The following CEBPZOS variants were observed in gnomAD, a reference collection of about 807,000 sequenced individuals.
CEBPZOS encodes CEBPZ opposite strand, also known as protein CEBPZOS.
Under a neutral mutation model 4.8 loss-of-function variants are expected in CEBPZOS, and 10 were observed. The observed-to-expected ratio is 2.07, with a 90% CI of 1.28 to 3.52. CEBPZOS has a LOEUF of 3.52. Ranked by LOEUF, CEBPZOS falls within the 30% of genes most tolerant of loss-of-function variation. CEBPZOS has a pLI of 0.00. For synonymous variants in CEBPZOS, 25 were observed against 14.2 expected (o/e 1.77, Z -1.72); for missense variants, 98 against 43.6 (o/e 2.25, Z -3.51).
chr2:37,214,513 AAAT>A (rs1372222291), downstream of CEBPZOS, among the ~76,000 whole-genome samples: 1 of 152,166 alleles, frequency 6.6e-6, no homozygotes, highest in East Asian at 1.9e-4. Flanking sequence ...CCTATAAAGA[AAAT>A]TATTATAAAA....
chr2:37,211,098 A>T, intron 4 of CEBPZOS: 1 of 1,575,662 alleles, frequency 6.3e-7, no homozygotes, highest in Admixed American at 1.8e-5. Flanking sequence ...ACACGAAAAA[A>T]TTTGCTAATA....
At chr2:37,208,124 C>G (rs1190319668), downstream of CEBPZOS, among the ~76,000 whole-genome samples, 1 of 152,084 alleles carries the variant, frequency 6.6e-6, no homozygotes, top group Non-Finnish European at 1.5e-5. Context: ...TCTGAACAGA[C>G]CAATAACAAG....
At chr2:37,211,175 G>T in intron 4 of CEBPZOS, 2 of 809,802 alleles carry the variant, frequency 2.5e-6, no homozygotes, top group East Asian at 2.6e-5. Flanking sequence ...TATTCTGATG[G>T]TAAGGCACTA....
rs560172846 is a variant in CEBPZOS, at chr2:37,203,734, A to G, written c.*1874A>G. 26 of 152,272 alleles carry G rather than the reference A, an allele frequency of 1.7e-4. No individual in the cohort carries two copies. Among genetic ancestry groups the G allele is most frequent in the African/African-American group, 6.3e-4 (26 of 41,546 alleles). The allele number at this position is 152,272 out of a possible 1,614,324, so 9.4% of individuals were successfully genotyped here. ...GGTGCCATTTGTAGTCCTCCAACCCATCTCCGATCTATCTTGTTTCTATGA... is the reference window on the plus strand; with the variant it reads ...GGTGCCATTTGTAGTCCTCCAACCCGTCTCCGATCTATCTTGTTTCTATGA... On this transcript the variant is annotated 3_prime_UTR_variant, in exon 5 of 5. Coordinates refer to ENST00000402297, the MANE Select transcript of CEBPZOS (RefSeq NM_001322374.2).
At chr2:37,206,952 G>C (rs932851882), downstream of CEBPZOS, among the ~76,000 whole-genome samples, 8 of 152,060 alleles carry the variant, frequency 5.3e-5, no homozygotes, top group Non-Finnish European at 1.2e-4. Flanking sequence ...GTAAAGGGGT[G>C]GGAAAAGATA....
Position 37,202,736 on chromosome 2 carries a change from A to G in CEBPZOS, c.*876A>G, listed in dbSNP as rs562819662. On this transcript the variant is annotated 3_prime_UTR_variant, in exon 5 of 5. Coordinates refer to ENST00000402297, the MANE Select transcript of CEBPZOS (RefSeq NM_001322374.2). ...AAATTTCCTATCTTCTGAAGTTCCA[A>G]GCCAAAGCTATTTTTAAAACATCAA... 1.8e-6 allele frequency: 2 copies of G among 1,112,428 alleles called. No individual in the cohort carries two copies. Among genetic ancestry groups the G allele is most frequent in the South Asian group, 1.7e-5 (1 of 57,274 alleles). The allele number at this position is 1,112,428 out of a possible 1,614,324, so 68.9% of individuals were successfully genotyped here. A position where few individuals can be genotyped will look rare whatever the true frequency, so the allele number is the denominator to read the frequency against.
intron 1 of CEBPZOS, among the ~76,000 whole-genome samples, chr2:37,197,926 C>G (rs753868619): frequency 2.0e-5 from 3 of 151,886 alleles, no homozygotes; most frequent in African/African-American, 7.3e-5. Context: ...TTTGGGAGGC[C>G]GAGGCCTGTG....
chr2:37,203,407 T>A lies in CEBPZOS; in HGVS notation c.*1547T>A, dbSNP rs1677379668. ...AGATTGTAAAGAAATTGACTGAAAG[T>A]ATGTTTATTATGCTATAAATGAAGT... On this transcript the variant is annotated 3_prime_UTR_variant, in exon 5 of 5. Transcript: ENST00000402297. 1 of 153,654 alleles carries A rather than the reference T, an allele frequency of 6.5e-6. No individual in the cohort carries two copies. Among genetic ancestry groups the A allele is most frequent in the Middle Eastern group, 3.4e-3 (1 of 298 alleles). The allele number at this position is 153,654 out of a possible 1,614,324, so 9.5% of individuals were successfully genotyped here.
At chr2:37,211,997 T>A (rs899921987) in intron 4 of CEBPZOS, 5 of 1,610,196 alleles carry the variant, frequency 3.1e-6, no homozygotes, top group Non-Finnish European at 4.2e-6. Flanking sequence ...AATCTTCATC[T>A]AATGTGTTAT....
chr2:37,212,311 AAGG>A (rs1677747193), intron 4 of CEBPZOS: 4 of 1,600,074 alleles, frequency 2.5e-6, no homozygotes, highest in Middle Eastern at 1.7e-4. Context: ...GAAAAATAGG[AAGG>A]AGAAGATAGA....
intron 4 of CEBPZOS, chr2:37,213,419 GTTTTT>G (rs1032800366): frequency 6.8e-6 from 1 of 148,066 alleles, no homozygotes; most frequent in Non-Finnish European, 1.5e-5. Flanking sequence ...TGTTTCTTTT[GTTTTT>G]TTTTTGAGAC....
In CEBPZOS at chr2:37,201,950, C is replaced by T. The variant is rs1367346505; in HGVS notation, c.*90C>T. 6.4e-7 allele frequency: 1 copy of T among 1,560,874 alleles called. No homozygotes were observed. The highest frequency in any genetic ancestry group is 8.7e-7 in the Non-Finnish European group (1 of 1,151,908). On this transcript the variant is annotated 3_prime_UTR_variant, in exon 5 of 5. Transcript: ENST00000402297. Reference sequence around the variant, plus strand: ...TGAGTGTACTACCACACTGTAGACTCTTGGTGGTCCCACAGAACATGCTGC... The same window carrying T: ...TGAGTGTACTACCACACTGTAGACTTTTGGTGGTCCCACAGAACATGCTGC...
At chr2:37,215,124 G>A (rs1295297032), downstream of CEBPZOS, among the ~76,000 whole-genome samples, 3 of 152,132 alleles carry the variant, frequency 2.0e-5, no homozygotes, top group African/African-American at 7.2e-5. Flanking sequence ...AAAAGTCTGT[G>A]TGAAGACCCC....
chr2:37,197,620 C>A (rs1314654486), intron 1 of CEBPZOS, among the ~76,000 whole-genome samples: 1 of 152,220 alleles, frequency 6.6e-6, no homozygotes, highest in South Asian at 2.1e-4. Context: ...GCCTGTAATA[C>A]CAGCACTTTG....
intron 3 of CEBPZOS, 88 bp downstream of exon 3, chr2:37,201,180 C>A: frequency 1.5e-6 from 1 of 667,548 alleles, no homozygotes; most frequent in South Asian, 1.7e-5. Flanking sequence ...CAAGGAATTT[C>A]TAACAATACT....
intron 1 of CEBPZOS, chr2:37,197,430 C>T (rs1475085787): frequency 6.6e-6 from 1 of 152,216 alleles, no homozygotes; most frequent in Non-Finnish European, 1.5e-5. Flanking sequence ...CAGTATTATT[C>T]GCACTTTATT....
intron 4 of CEBPZOS, chr2:37,211,900 C>T: frequency 1.2e-6 from 2 of 1,612,310 alleles, no homozygotes; most frequent in Non-Finnish European, 1.7e-6. Flanking sequence ...CCATCTTCAT[C>T]AACTTCAGCA....
Position 37,199,740 on chromosome 2 carries a change from CT to C in CEBPZOS, c.39del (p.Phe13LeufsTer6), listed in dbSNP as rs1677122613. Reference sequence around the variant, plus strand: ...CTTTGGAACCACTAGCAAAGAAGATCTTTAAAGGAGTTTTGGTAGCCGAACT... The same window carrying C: ...CTTTGGAACCACTAGCAAAGAAGATCTTAAAGGAGTTTTGGTAGCCGAACT... The part of the protein sequence containing the change: ...RTLEPLAKKI[F>X]KGVLVAELVG... On this transcript the variant is annotated frameshift_variant, in exon 2 of 5. Coordinates refer to ENST00000402297, the MANE Select transcript of CEBPZOS (RefSeq NM_001322374.2). LOFTEE classifies it high-confidence loss of function. The C allele has an allele frequency of 1.4e-6, 1 of 717,330 alleles. No homozygotes were observed. The highest frequency in any genetic ancestry group is 1.7e-5 in the African/African-American group (1 of 57,270). The allele number at this position is 717,330 out of a possible 1,614,324, so 44.4% of individuals were successfully genotyped here.
rs775103343 is a variant in CEBPZOS, at chr2:37,201,951, T to C, written c.*91T>C. 6 of 1,554,016 alleles carry C rather than the reference T, an allele frequency of 3.9e-6. No individual in the cohort carries two copies. In the Admixed American group the frequency reaches 7.8e-5, roughly 20 times the overall value. On this transcript the variant is annotated 3_prime_UTR_variant, in exon 5 of 5. Transcript: ENST00000402297. ...GAGTGTACTACCACACTGTAGACTC[T>C]TGGTGGTCCCACAGAACATGCTGCT...
Sources: gnomAD v4.1 joint callset for allele counts (sites outside exome capture counted in the v4.1 genomes callset) on GRCh38, gnomAD v4.1.1 for gene constraint, MANE v1.5 for transcripts, NCBI Gene and HGNC (gene_info 2026-07-23, HGNC 2026-07-21) for gene names.